ZNF814: variants seen among roughly 807,000 people sequenced by gnomAD.
ZNF814 encodes the protein zinc finger protein 814.
Under a neutral mutation model 7.5 loss-of-function variants are expected in ZNF814, and 5 were observed. The observed-to-expected ratio is 0.67, with a 90% CI of 0.35 to 1.40. ZNF814 has a LOEUF of 1.40. ZNF814 is among the 40% of genes most tolerant of loss of function. The probability of loss-of-function intolerance (pLI) is 0.04; values close to 1 mark genes in which losing one functional copy is unlikely to be tolerated. For missense variants in ZNF814, 962 were observed against 1,018.0 expected (o/e 0.94, Z 0.75); for synonymous variants, 315 against 340.7 (o/e 0.92, Z 0.83).
At position 57,869,538 on chromosome 19, in the gene ZNF814, T is replaced by C. The variant is rs1182676974; in HGVS notation, c.*3284A>G. The stretch of plus-strand genomic sequence containing the variant: ...AAATATAAAGGTGTTAAGTTCATTA[T>C]TGTGACTATGTTAATGGTTTCATGG... On this transcript the variant is annotated 3_prime_UTR_variant, in exon 3 of 3. Coordinates refer to ENST00000435989, the MANE Select transcript of ZNF814 (RefSeq NM_001144989.2). The C allele has an allele frequency of 2.0e-5, 3 of 152,180 alleles. No homozygotes were observed. Among genetic ancestry groups the C allele is most frequent in the Non-Finnish European group, 4.4e-5 (3 of 68,034 alleles). The allele number at this position is 152,180 out of a possible 1,614,324, so 9.4% of individuals were successfully genotyped here.
In ZNF814 at chr19:57,873,789, T is replaced by C. The variant is rs1210243634; in HGVS notation, c.1601A>G (p.His534Arg). The change falls in exon 3 of 3, where the codon CAT becomes CGT. Residue 534 changes from histidine (H) to arginine (R), a missense_variant. Around this residue, in one of 7 missense-constraint regions of ZNF814, gnomAD observed 665 missense variants for 551.4 expected, o/e 1.21. Coordinates refer to ENST00000435989, the MANE Select transcript of ZNF814 (RefSeq NM_001144989.2). Reference sequence around the variant, plus strand: ...GTGAATTTGCTGATGGTTCCTAAGATGTCCTTTTGAACTAAATGATTTCCC... The same window carrying C: ...GTGAATTTGCTGATGGTTCCTAAGACGTCCTTTTGAACTAAATGATTTCCC... ...ECGKSFSSKGHLRNHQQIHTG... is the reference protein window; with the variant it reads ...ECGKSFSSKGRLRNHQQIHTG... The C allele has an allele frequency of 6.2e-7, 1 of 1,613,868 alleles. No homozygotes were observed. Among genetic ancestry groups the C allele is most frequent in the African/African-American group, 1.3e-5 (1 of 74,964 alleles).
intron 1 of ZNF814, among the ~76,000 whole-genome samples, chr19:57,886,125 T>C (rs1361255811): frequency 6.6e-6 from 1 of 152,104 alleles, no homozygotes. Flanking sequence ...CTAGAGAACA[T>C]ATAGGTCGGG....
intron 1 of ZNF814, chr19:57,886,046 A>C (rs2071690737): frequency 6.6e-6 from 1 of 151,944 alleles, no homozygotes; most frequent in Non-Finnish European, 1.5e-5. Context: ...ATATACCCAC[A>C]AAAATTTAAA....
chr19:57,889,698 C>G (rs1417861561), upstream of ZNF814, among the ~76,000 whole-genome samples: 1 of 152,124 alleles, frequency 6.6e-6, no homozygotes, highest in Non-Finnish European at 1.5e-5. Flanking sequence ...AACCCCGCCT[C>G]TACTAAAAAT....
At chr19:57,893,134 G>A (rs118056420), upstream of ZNF814, among the ~76,000 whole-genome samples, 111 of 151,874 alleles carry the variant, frequency 7.3e-4, no homozygotes, top group East Asian at 0.02. Flanking sequence ...ATGCTGGAAT[G>A]CCAGCAAAAG....
chr19:57,887,143 A>G (rs1256939019), intron 1 of ZNF814, among the ~76,000 whole-genome samples: 6 of 152,266 alleles, frequency 3.9e-5, no homozygotes, highest in African/African-American at 1.4e-4. Context: ...AGCCGAGATC[A>G]CACCATTGTA....
At chr19:57,881,884 AAC>A (rs1354932033) in intron 1 of ZNF814, among the ~76,000 whole-genome samples, 2 of 103,330 alleles carry the variant, frequency 1.9e-5, no homozygotes, top group Non-Finnish European at 3.6e-5. Context: ...GCTTGAGAAT[AAC>A]AGAGGAAAAA....
intron 1 of ZNF814, among the ~76,000 whole-genome samples, chr19:57,886,840 A>G (rs2071697668): frequency 6.6e-6 from 1 of 151,670 alleles, no homozygotes; most frequent in South Asian, 2.1e-4. Flanking sequence ...AGATCACACC[A>G]CTGCACTCCA....
chr19:57,888,710 T>G, intron 1 of ZNF814, 57 bp downstream of exon 1: 1 of 1,547,948 alleles, frequency 6.5e-7, no homozygotes, highest in Non-Finnish European at 8.7e-7. Context: ...CGCTGCTACC[T>G]CGCTGCTTTT....
chr19:57,874,889 C>T lies in ZNF814; in HGVS notation c.501G>A (p.Gly167=). The T allele has an allele frequency of 6.2e-7, 1 of 1,614,066 alleles. No individual in the cohort carries two copies. Among genetic ancestry groups the T allele is most frequent in the Non-Finnish European group, 8.5e-7 (1 of 1,179,952 alleles). Residue 167 remains glycine (G), a synonymous_variant, in exon 3 of 3, where the codon GGG becomes GGA. Transcript: ENST00000435989. ...CACTCTCACTGAAGACAGATGACTCCCCTGACACATGCAACTTACACCTCT... is the reference window on the plus strand; with the variant it reads ...CACTCTCACTGAAGACAGATGACTCTCCTGACACATGCAACTTACACCTCT... The part of the protein sequence containing the change: ...FAKRCKLHVS[G]ESSVFSESGK...
At position 57,876,964 on chromosome 19, in the gene ZNF814, G is replaced by C. The variant is rs2071611860; in HGVS notation, c.115C>G (p.Leu39Val). 3.7e-6 allele frequency: 6 copies of C among 1,614,158 alleles called. No homozygotes were observed. Among genetic ancestry groups the C allele is most frequent in the Non-Finnish European group, 5.1e-6 (6 of 1,180,018 alleles). The change falls in exon 2 of 3, where the codon CTG becomes GTG. Residue 39 changes from leucine to valine, a missense_variant. This residue lies in a region of ZNF814 where 63 missense variants were observed against 65.0 expected (regional missense o/e 0.97). Transcript: ENST00000435989. The stretch of plus-strand genomic sequence containing the variant: ...TTCTCCAGCGTCACATCACGGTACA[G>C]GCATCTCTGAGCCTCACTAAGGAGA... ...WNLLSEAQRC[L>V]YRDVTLENLA... is the part of the protein sequence containing the mutation.
chr19:57,888,159 T>C (rs1184102459), intron 1 of ZNF814, among the ~76,000 whole-genome samples: 1 of 152,230 alleles, frequency 6.6e-6, no homozygotes, highest in African/African-American at 2.4e-5. Flanking sequence ...AACAGTGTTA[T>C]GTTTAACCTT....
At chr19:57,904,425 C>T in the ZNF814 span, among the ~76,000 whole-genome samples, 3 of 152,158 alleles carry the variant, frequency 2.0e-5, no homozygotes, top group Non-Finnish European at 4.4e-5. Context: ...TGCCAGACTT[C>T]ATAGCCCCAG....
rs1421255245 is a variant in ZNF814 at position 57,870,273 on chromosome 19, T to G, written c.*2549A>C. 1 of 152,076 alleles carries G rather than the reference T, an allele frequency of 6.6e-6. No individual in the cohort carries two copies. The highest frequency in any genetic ancestry group is 1.5e-5 in the Non-Finnish European group (1 of 68,008). 9.4% of individuals were successfully genotyped at this position (152,076 alleles called of 1,614,324 possible). A position where few individuals can be genotyped will look rare whatever the true frequency, so the allele number is the denominator to read the frequency against. ...TAAATAATAATAATAATTAAAAAAATGCAGTTCAAAAGAAAAATATAGATT... is the reference window on the plus strand; with the variant it reads ...TAAATAATAATAATAATTAAAAAAAGGCAGTTCAAAAGAAAAATATAGATT... On this transcript the variant is annotated 3_prime_UTR_variant, in exon 3 of 3. Transcript: ENST00000435989.
chr19:57,901,541 G>A, the ZNF814 span: 1 of 398,182 alleles, frequency 2.5e-6, no homozygotes, highest in Non-Finnish European at 4.4e-6. Context: ...AACATCTGAA[G>A]GTCTATCATG....
the ZNF814 span, among the ~76,000 whole-genome samples, chr19:57,896,375 A>C: frequency 3.3e-5 from 5 of 152,192 alleles, no homozygotes; most frequent in Admixed American, 1.3e-4. This position sits in a 1 kb window ranked among gnomAD's most constrained non-coding sequence, Gnocchi z 4.2. Context: ...GAGGAGCAAA[A>C]ACCAGAGGAA....
At chr19:57,889,042 G>A (rs575650732), upstream of ZNF814, 4 of 535,010 alleles carry the variant, frequency 7.5e-6, no homozygotes, top group African/African-American at 1.9e-5. Flanking sequence ...CAAAATGGCC[G>A]CCACCAGAGG....
rs750572394 is a variant in ZNF814, at chr19:57,873,835, G to A, written c.1555C>T (p.Pro519Ser). The change falls in exon 3 of 3, where the codon CCT (proline) becomes TCT (serine). Residue 519 changes from proline to serine, a missense_variant. Around this residue, in one of 7 missense-constraint regions of ZNF814, gnomAD observed 665 missense variants for 551.4 expected, o/e 1.21. Coordinates refer to ENST00000435989, the MANE Select transcript of ZNF814 (RefSeq NM_001144989.2). ...TTCCCACATTCTCCACACTCATAAG[G>A]TCTTGCTCCAGTGTGAACTCGCTGG... ...LHQRVHTGARPYECGECGKSF... is the reference protein window; with the variant it reads ...LHQRVHTGARSYECGECGKSF... 3 of 1,613,904 alleles carry A rather than the reference G, an allele frequency of 1.9e-6. No individual in the cohort carries two copies. Among genetic ancestry groups the A allele is most frequent in the African/African-American group, 1.3e-5 (1 of 74,874 alleles).
chr19:57,888,177 T>C (rs2071708989), intron 1 of ZNF814, among the ~76,000 whole-genome samples: 1 of 152,238 alleles, frequency 6.6e-6, no homozygotes, highest in Non-Finnish European at 1.5e-5. Context: ...CTTTAACATT[T>C]ACATGTTAAG....
Sources: gnomAD v4.1 joint callset for allele counts (sites outside exome capture counted in the v4.1 genomes callset) on GRCh38, gnomAD v4.1.1 for gene constraint, gnomAD v4.1.1 regional missense constraint, Gnocchi (gnomAD v3.1) non-coding constraint, MANE v1.5 for transcripts, NCBI Gene and HGNC (gene_info 2026-07-23, HGNC 2026-07-21) for gene names.